Variants in COL5A2 observed in about 807,000 individuals in gnomAD.
The protein encoded by COL5A2 is collagen type V alpha 2 chain.
In COL5A2, 23 loss-of-function variants were observed where a neutral mutation model predicts 208.2. The ratio of observed to expected loss-of-function variants is 0.11; its 90% CI spans 0.08 to 0.16. The LOEUF is 0.16. Among genes scored for constraint, COL5A2 ranks in the 10% least tolerant of loss-of-function variants. The probability of loss-of-function intolerance (pLI) is 1.00; values close to 1 mark genes in which losing one functional copy is unlikely to be tolerated. For synonymous variants in COL5A2, 625 were observed against 628.5 expected (o/e 0.99, Z 0.08); for missense variants, 1,590 against 1,956.4 (o/e 0.81, Z 3.53).
At chr2:189,267,312 G>A in the COL5A2 span, among the ~76,000 whole-genome samples, 2 of 152,032 alleles carry the variant, frequency 1.3e-5, no homozygotes, top group African/African-American at 4.8e-5. Flanking sequence ...TTCTTAGACT[G>A]TTACATAAAA....
intron 25 of COL5A2, 52 bp from the exon 26 acceptor site, chr2:189,064,085 A>C (rs756409853): frequency 1.1e-5 from 16 of 1,401,740 alleles, no homozygotes; most frequent in Non-Finnish European, 1.6e-5. Context: ...AGTTGAAGTA[A>C]AGATTCTTAA....
chr2:189,241,223 T>A, the COL5A2 span, among the ~76,000 whole-genome samples: 1 of 152,208 alleles, frequency 6.6e-6, no homozygotes, highest in Non-Finnish European at 1.5e-5. Flanking sequence ...ATTACTATTT[T>A]TTTTGTAAAC....
At chr2:189,241,542 A>G in the COL5A2 span, among the ~76,000 whole-genome samples, 1 of 152,180 alleles carries the variant, frequency 6.6e-6, no homozygotes, top group East Asian at 1.9e-4. Context: ...ATAAATAAAA[A>G]AATTAGAAGG....
At chr2:189,203,894 T>C (rs1437670340) in intron 1 of COL5A2, among the ~76,000 whole-genome samples, 1 of 151,902 alleles carries the variant, frequency 6.6e-6, no homozygotes, top group Non-Finnish European at 1.5e-5. Flanking sequence ...TTTTCTTTTT[T>C]GTCTTTTTTT....
At chr2:189,263,092 G>A in the COL5A2 span, among the ~76,000 whole-genome samples, 1 of 152,052 alleles carries the variant, frequency 6.6e-6, no homozygotes, top group Non-Finnish European at 1.5e-5. Flanking sequence ...AGTCAAGCAG[G>A]ACATAGGAGA....
intron 1 of COL5A2, among the ~76,000 whole-genome samples, chr2:189,191,163 C>CAAA (rs1553526772): frequency 2.9e-4 from 21 of 72,294 alleles, no homozygotes; most frequent in Middle Eastern, 0.01. Flanking sequence ...AAAAAACAAA[C>CAAA]AAACAACAAA....
chr2:189,335,477 G>T, the COL5A2 span, among the ~76,000 whole-genome samples: 1 of 152,044 alleles, frequency 6.6e-6, no homozygotes, highest in Non-Finnish European at 1.5e-5. Flanking sequence ...TGAGAGAATG[G>T]AAAACTTAAG....
At chr2:189,198,963 C>T (rs1689039390) in intron 1 of COL5A2, among the ~76,000 whole-genome samples, 1 of 152,132 alleles carries the variant, frequency 6.6e-6, no homozygotes, top group Non-Finnish European at 1.5e-5. Flanking sequence ...TATATATTCA[C>T]TCATTCGACC....
At chr2:189,146,857 C>T (rs1472321091) in intron 1 of COL5A2, among the ~76,000 whole-genome samples, 1 of 152,024 alleles carries the variant, frequency 6.6e-6, no homozygotes, top group African/African-American at 2.4e-5. Context: ...TCAAATTTTC[C>T]CAAGTCAAGG....
chr2:189,233,007 G>A, the COL5A2 span, among the ~76,000 whole-genome samples: 2 of 151,752 alleles, frequency 1.3e-5, no homozygotes, highest in African/African-American at 2.4e-5. Flanking sequence ...CTAAGGCCCA[G>A]AATCACTGAT....
At chr2:189,076,811 T>C (rs777501394) in intron 16 of COL5A2, among the ~76,000 whole-genome samples, 9 of 152,132 alleles carry the variant, frequency 5.9e-5, no homozygotes, top group Non-Finnish European at 8.8e-5. Flanking sequence ...CTGGGCCCGG[T>C]GACTCATGCC....
chr2:189,305,180 C>G, the COL5A2 span, among the ~76,000 whole-genome samples: 1 of 152,228 alleles, frequency 6.6e-6, no homozygotes, highest in Admixed American at 6.5e-5. Flanking sequence ...TCAGCAGCCT[C>G]ACAAATCTAC....
At chr2:189,201,491 T>G (rs1689067582) in intron 1 of COL5A2, among the ~76,000 whole-genome samples, 1 of 151,876 alleles carries the variant, frequency 6.6e-6, no homozygotes, top group African/African-American at 2.4e-5. Flanking sequence ...TACACGGTAC[T>G]AACAAATATC....
At chr2:189,176,707 G>GCACA in intron 1 of COL5A2, among the ~76,000 whole-genome samples, 1 of 151,028 alleles carries the variant, frequency 6.6e-6, no homozygotes, top group South Asian at 2.1e-4. Flanking sequence ...CTCACCACAC[G>GCACA]CACACACACA....
intron 1 of COL5A2, chr2:189,133,101 T>C (rs1359876974): frequency 1.4e-5 from 2 of 146,022 alleles, no homozygotes; most frequent in Non-Finnish European, 3.0e-5. Context: ...TCTACACTAC[T>C]GCCCAAGTAC....
At chr2:189,073,785 A>C (rs1043113296) in intron 17 of COL5A2, among the ~76,000 whole-genome samples, 1 of 152,192 alleles carries the variant, frequency 6.6e-6, no homozygotes, top group Non-Finnish European at 1.5e-5. Flanking sequence ...AAGTTGCTCT[A>C]AAGTTCAGAA....
chr2:189,326,904 C>G, the COL5A2 span, among the ~76,000 whole-genome samples: 10 of 151,822 alleles, frequency 6.6e-5, no homozygotes, highest in Non-Finnish European at 1.3e-4. Flanking sequence ...AACCACATCT[C>G]TACTAAAAAT....
chr2:189,330,198 T>G, the COL5A2 span, among the ~76,000 whole-genome samples: 1 of 152,152 alleles, frequency 6.6e-6, no homozygotes, highest in Admixed American at 6.5e-5. Flanking sequence ...GAAATCCTCC[T>G]GAAATGCACT....
At chr2:189,249,413 T>C in the COL5A2 span, among the ~76,000 whole-genome samples, 2 of 152,342 alleles carry the variant, frequency 1.3e-5, no homozygotes, top group East Asian at 3.9e-4. Context: ...AGATTGGTTA[T>C]AGTTTCCTAT....
Sources: gnomAD v4.1 joint callset for allele counts (sites outside exome capture counted in the v4.1 genomes callset) on GRCh38, gnomAD v4.1.1 for gene constraint, MANE v1.5 for transcripts, NCBI Gene and HGNC (gene_info 2026-07-23, HGNC 2026-07-21) for gene names.